Variants in IQCM observed in about 807,000 individuals in gnomAD.
IQCM encodes the protein IQ motif containing M, also known as IQ domain-containing protein M.
Under a neutral mutation model 57.6 loss-of-function variants are expected in IQCM, and 45 were observed. The ratio of observed to expected loss-of-function variants is 0.78; its 90% CI spans 0.62 to 1.00. IQCM has a LOEUF of 1.00. IQCM is among the 50% of genes least tolerant of loss of function. IQCM has a pLI of 0.00. For missense variants in IQCM, 468 were observed against 511.6 expected (o/e 0.91, Z 0.82); for synonymous variants, 148 against 158.9 (o/e 0.93, Z 0.51).
chr4:149,475,162 G>A (rs1396960195), intron 12 of IQCM, among the ~76,000 whole-genome samples: 1 of 152,164 alleles, frequency 6.6e-6, no homozygotes, highest in Non-Finnish European at 1.5e-5. Context: ...AGTAATCCAG[G>A]TAAAAAGATG....
chr4:149,712,109 A>G (rs1257329369), intron 5 of IQCM, among the ~76,000 whole-genome samples: 1 of 152,174 alleles, frequency 6.6e-6, no homozygotes, highest in African/African-American at 2.4e-5. Context: ...GGGATGATCA[A>G]TGTCTCACAT....
intron 12 of IQCM, among the ~76,000 whole-genome samples, chr4:149,459,349 T>C (rs1302134066): frequency 6.6e-6 from 1 of 152,210 alleles, no homozygotes; most frequent in Non-Finnish European, 1.5e-5. Flanking sequence ...ATGTTGGCTG[T>C]TGAATTAACT....
intron 9 of IQCM, among the ~76,000 whole-genome samples, chr4:149,583,129 T>C (rs922775917): frequency 1.6e-4 from 25 of 151,632 alleles, no homozygotes; most frequent in Admixed American, 2.6e-4. Context: ...TCATATCTTA[T>C]TATTATTTTA....
At chr4:149,448,518 G>T (rs1736749854) in intron 12 of IQCM, among the ~76,000 whole-genome samples, 2 of 150,932 alleles carry the variant, frequency 1.3e-5, no homozygotes, top group Non-Finnish European at 3.0e-5. Context: ...AGAAAACGGT[G>T]AAATATAAAA....
At chr4:149,552,576 C>T (rs896379896) in intron 11 of IQCM, among the ~76,000 whole-genome samples, 4 of 152,140 alleles carry the variant, frequency 2.6e-5, no homozygotes, top group South Asian at 2.1e-4. Flanking sequence ...TTAGTAGGCT[C>T]GGTGTCCATT....
intron 2 of IQCM, among the ~76,000 whole-genome samples, chr4:149,774,717 T>A (rs1770916069): frequency 6.7e-6 from 1 of 150,162 alleles, no homozygotes; most frequent in Non-Finnish European, 1.5e-5. Flanking sequence ...GGGAGCTTCT[T>A]CCTTCTCTCT....
At chr4:149,402,430 G>T (rs368728270) in intron 13 of IQCM, among the ~76,000 whole-genome samples, 93 of 151,778 alleles carry the variant, frequency 6.1e-4, no homozygotes, top group African/African-American at 2.2e-3. Context: ...AAACCATTTT[G>T]GTGGATATCT....
chr4:149,528,543 T>C (rs554057132), intron 12 of IQCM, among the ~76,000 whole-genome samples: 1 of 152,274 alleles, frequency 6.6e-6, no homozygotes, highest in Non-Finnish European at 1.5e-5. Context: ...AATCATCCAA[T>C]TGCCTTGGAG....
chr4:149,381,214 T>C (rs1290480456), intron 13 of IQCM, among the ~76,000 whole-genome samples: 3 of 152,134 alleles, frequency 2.0e-5, no homozygotes, highest in Admixed American at 2.0e-4. Flanking sequence ...ATTATCTTCA[T>C]TGTCACCACC....
intron 2 of IQCM, among the ~76,000 whole-genome samples, chr4:149,791,640 T>C (rs937350597): frequency 1.3e-5 from 2 of 152,158 alleles, no homozygotes; most frequent in African/African-American, 4.8e-5. Context: ...AGAAATTGTT[T>C]TTTAGTGTGC....
intron 12 of IQCM, among the ~76,000 whole-genome samples, chr4:149,521,009 A>G (rs1371688374): frequency 5.9e-5 from 9 of 152,184 alleles, no homozygotes; most frequent in Admixed American, 5.9e-4. Context: ...GATGATGCAG[A>G]GCTAAAACAG....
In IQCM at chr4:149,808,730, A is replaced by G. The variant is rs113551183; in HGVS notation, c.-49+6581T>C. The stretch of plus-strand genomic sequence containing the variant: ...CTATATTTGTGCTTCAAGTTTCTCA[A>G]CTTGGGAGAGGAATCTTGATGAAGT... On this transcript the variant is annotated intron_variant, in intron 2 of 13. Coordinates refer to ENST00000636793, the MANE Select transcript of IQCM (RefSeq NM_001363507.2). Among the ~76,000 whole-genome samples the G allele has an allele frequency of 5.9e-5, 9 of 152,304 alleles. 1 individual carries two copies. The highest frequency in any genetic ancestry group is 2.2e-4 in the African/African-American group (9 of 41,572).
chr4:149,521,102 A>G (rs1300122932), intron 12 of IQCM, among the ~76,000 whole-genome samples: 2 of 152,164 alleles, frequency 1.3e-5, no homozygotes, highest in Non-Finnish European at 2.9e-5. Flanking sequence ...TCATCAAATT[A>G]TTCATGAATA....
intron 12 of IQCM, among the ~76,000 whole-genome samples, chr4:149,434,642 C>T (rs1735178041): frequency 1.3e-5 from 2 of 152,086 alleles, no homozygotes; most frequent in African/African-American, 4.8e-5. Context: ...AGGTATCCAT[C>T]TATTGCCTCA....
At chr4:149,371,410 G>C (rs1016923381) in intron 13 of IQCM, among the ~76,000 whole-genome samples, 2 of 152,074 alleles carry the variant, frequency 1.3e-5, no homozygotes, top group Non-Finnish European at 2.9e-5. Flanking sequence ...GATCAGGATA[G>C]GAGAACCCAC....
intron 12 of IQCM, among the ~76,000 whole-genome samples, chr4:149,469,180 C>T (rs1739221619): frequency 6.6e-6 from 1 of 152,078 alleles, no homozygotes; most frequent in South Asian, 2.1e-4. Context: ...CTTCTCTGAG[C>T]TAAAGGAGGA....
chr4:149,624,066 T>C (rs1184751355), intron 7 of IQCM, among the ~76,000 whole-genome samples: 2 of 152,124 alleles, frequency 1.3e-5, no homozygotes, highest in African/African-American at 4.8e-5. Flanking sequence ...CCTTTCTGCA[T>C]ATCTAATTTG....
intron 12 of IQCM, among the ~76,000 whole-genome samples, chr4:149,488,886 T>G (rs1217787070): frequency 6.6e-6 from 1 of 152,130 alleles, no homozygotes. Context: ...TGAGTAGCCT[T>G]TTATATAGAA....
At chr4:149,631,166 A>T (rs996847652) in intron 7 of IQCM, among the ~76,000 whole-genome samples, 2 of 152,114 alleles carry the variant, frequency 1.3e-5, no homozygotes, top group African/African-American at 4.8e-5. Context: ...CACTTTACAC[A>T]TGTTGTCATG....
Sources: gnomAD v4.1 joint callset for allele counts (sites outside exome capture counted in the v4.1 genomes callset) on GRCh38, gnomAD v4.1.1 for gene constraint, MANE v1.5 for transcripts, NCBI Gene and HGNC (gene_info 2026-07-23, HGNC 2026-07-21) for gene names.